The following PABPC4 variants were observed in gnomAD, a reference collection of about 807,000 sequenced individuals.
PABPC4 encodes poly(A) binding protein cytoplasmic 4.
Under a neutral mutation model 74.5 loss-of-function variants are expected in PABPC4, and 15 were observed. The ratio of observed to expected loss-of-function variants is 0.20; its 90% CI spans 0.13 to 0.31. The LOEUF is 0.31. Ranked by LOEUF, PABPC4 falls within the 10% of genes least tolerant of loss-of-function variation. The pLI is 1.00. For synonymous variants in PABPC4, 345 were observed against 303.0 expected (o/e 1.14, Z -1.44); for missense variants, 610 against 853.5 (o/e 0.71, Z 3.55).
chr1:39,565,265 T>TGG lies in PABPC4; in HGVS notation c.1084_1085dup (p.Leu363HisfsTer17). On this transcript the variant is annotated frameshift_variant, in exon 8 of 16. Coordinates refer to ENST00000372858, the MANE Select transcript of PABPC4 (RefSeq NM_001135653.2). LOFTEE classifies it high-confidence loss of function. ...TCCTCTGGGCCAGGGCAACATATAG[T>TGG]GGCTTGGAGCCCACAATGCGTCCAT... is the stretch of plus-strand genomic sequence containing the variant. 6.2e-7 allele frequency: 1 copy of TGG among 1,614,214 alleles called. No homozygotes were observed. Among genetic ancestry groups the TGG allele is most frequent in the Non-Finnish European group, 8.5e-7 (1 of 1,180,036 alleles).
chr1:39,566,823 A>AG (rs200226963), intron 7 of PABPC4, among the ~76,000 whole-genome samples: 66 of 151,708 alleles, frequency 4.4e-4, no homozygotes, highest in South Asian at 8.4e-4. Flanking sequence ...GGGCCAGTCA[A>AG]GGGGGGGGTC....
At chr1:39,563,508 C>G in intron 12 of PABPC4, 106 bp downstream of exon 12, 4 of 1,356,432 alleles carry the variant, frequency 2.9e-6, no homozygotes, top group Non-Finnish European at 4.0e-6. Context: ...CGTCATAACA[C>G]AGAGCAGGCA....
At chr1:39,575,476 G>A (rs1207022660) in intron 1 of PABPC4, among the ~76,000 whole-genome samples, 1 of 152,184 alleles carries the variant, frequency 6.6e-6, no homozygotes, top group Non-Finnish European at 1.5e-5. Context: ...GAATGCCAGT[G>A]GCTTCACTCT....
chr1:39,561,171 G>A (rs1359675412), intron 15 of PABPC4, 49 bp from the exon 16 acceptor site: 1 of 468,924 alleles, frequency 2.1e-6, no homozygotes, highest in Non-Finnish European at 4.4e-6. Flanking sequence ...AAATAATTTA[G>A]ATTCATTAAC....
Position 39,575,787 on chromosome 1 carries a change from G to A in PABPC4, c.165C>T (p.Ala55=), listed in dbSNP as rs1646016733. 1.9e-6 allele frequency: 3 copies of A among 1,606,082 alleles called. No individual in the cohort carries two copies. The highest frequency in any genetic ancestry group is 2.6e-6 in the Non-Finnish European group (3 of 1,176,046). ...DMITRRSLGY[A]YVNFQQPADA... ...CGGCCGGCTGCTGGAAGTTGACGTA[G>A]GCATAGCCCAGGGAGCGGCGGGTGA... Residue 55 remains alanine, a synonymous_variant, in exon 1 of 16, where the codon GCC becomes GCT. Coordinates refer to ENST00000372858, the MANE Select transcript of PABPC4 (RefSeq NM_001135653.2).
At chr1:39,563,788 G>C in intron 11 of PABPC4, 47 bp from the exon 12 acceptor site, 1 of 1,613,896 alleles carries the variant, frequency 6.2e-7, no homozygotes, top group Non-Finnish European at 8.5e-7. Context: ...TCTGGGCAAA[G>C]ACCCGTCAAA....
In PABPC4 at chr1:39,565,313, T is replaced by A. The variant is rs369493413; in HGVS notation, c.1038A>T (p.Ala346=). 2.5e-6 allele frequency: 4 copies of A among 1,614,146 alleles called. No homozygotes were observed. In the African/African-American group the frequency reaches 5.3e-5, roughly 22 times the overall value. The change falls in exon 8 of 16, where the codon GCA becomes GCT. Residue 346 remains alanine (A), a synonymous_variant. Transcript: ENST00000372858. ...CATTCATCTCAGTGACTGCTTTGGTTGCTTCTTCAGGAGATGAGAAGCAGA... is the reference window on the plus strand; with the variant it reads ...CATTCATCTCAGTGACTGCTTTGGTAGCTTCTTCAGGAGATGAGAAGCAGA... ...GFVCFSSPEE[A]TKAVTEMNGR... is the part of the protein sequence containing the mutation.
chr1:39,564,303 A>G (rs1645803342), intron 10 of PABPC4, 120 bp downstream of exon 10: 1 of 1,205,724 alleles, frequency 8.3e-7, no homozygotes, highest in Admixed American at 2.5e-5. Context: ...GCACACAGCT[A>G]AGATTACAGA....
intron 7 of PABPC4, 104 bp from the exon 8 acceptor site, chr1:39,565,482 G>A: frequency 8.3e-7 from 1 of 1,210,662 alleles, no homozygotes; most frequent in Non-Finnish European, 1.2e-6. Flanking sequence ...TGGGAGGGCT[G>A]CTTGAGCTCA....
At chr1:39,574,191 G>A (rs138408133) in intron 1 of PABPC4, among the ~76,000 whole-genome samples, 4 of 152,358 alleles carry the variant, frequency 2.6e-5, no homozygotes, top group South Asian at 2.1e-4. Context: ...GTGGGGGGTA[G>A]TTGGGAAAAG....
At chr1:39,563,494 A>T in intron 12 of PABPC4, 120 bp downstream of exon 12, 1 of 1,277,132 alleles carries the variant, frequency 7.8e-7, no homozygotes, top group Non-Finnish European at 1.1e-6. Flanking sequence ...GAATCAGAAC[A>T]TAGCGTCATA....
Position 39,563,891 on chromosome 1 carries a change from G to C in PABPC4, c.1485C>G (p.Asp495Glu), listed in dbSNP as rs1231971568. 2 of 1,614,102 alleles carry C rather than the reference G, an allele frequency of 1.2e-6. No individual in the cohort carries two copies. Among genetic ancestry groups the C allele is most frequent in the Non-Finnish European group, 1.7e-6 (2 of 1,180,054 alleles). ...GCTGGGCGGCACCAGCCCCACCAAA[G>C]TCCATAGCCAAGCGGTCCGGGCACT... is the stretch of plus-strand genomic sequence containing the variant. ...GSECPDRLAM[D>E]FGGAGAAQQG... is the part of the protein sequence containing the mutation. The change falls in exon 11 of 16, where the codon GAC (aspartate) becomes GAG (glutamate). Residue 495 changes from aspartate to glutamate, a missense_variant. By Grantham distance (45) the Asp-to-Glu change is conservative. This residue lies in a region of PABPC4 where 277 missense variants were observed against 301.8 expected (regional missense o/e 0.92). Transcript: ENST00000372858.
chr1:39,569,590 C>G lies in PABPC4; in HGVS notation c.738+5G>C, dbSNP rs1645907421. On this transcript the variant is annotated splice_donor_5th_base_variant and intron_variant, in intron 5 of 15. Coordinates refer to ENST00000372858, the MANE Select transcript of PABPC4 (RefSeq NM_001135653.2). ...AGCTTTTCCCAATCTTTGTGGTATA[C>G]TCACCTTATTGGCATCCTCGTGTTT... 1 of 1,611,010 alleles carries G rather than the reference C, an allele frequency of 6.2e-7. No homozygotes were observed. The highest frequency in any genetic ancestry group is 1.1e-5 in the South Asian group (1 of 91,010).
rs897074403 is a variant in PABPC4, at chr1:39,564,780, G to C, written c.1246-7C>G. 3 of 1,609,164 alleles carry C rather than the reference G, an allele frequency of 1.9e-6. No homozygotes were observed. Among genetic ancestry groups the C allele is most frequent in the Non-Finnish European group, 2.6e-6 (3 of 1,175,612 alleles). On this transcript the variant is annotated splice_region_variant and splice_polypyrimidine_tract_variant and intron_variant, in intron 8 of 15. Coordinates refer to ENST00000372858, the MANE Select transcript of PABPC4 (RefSeq NM_001135653.2). Reference sequence around the variant, plus strand: ...ATGGAGGCCTTCCCTGAGCCTGTAAGACAGAAGAATACCCAAACACCCCCT... The same window carrying C: ...ATGGAGGCCTTCCCTGAGCCTGTAACACAGAAGAATACCCAAACACCCCCT...
At chr1:39,564,631 G>C in intron 9 of PABPC4, 55 bp downstream of exon 9, 2 of 1,609,400 alleles carry the variant, frequency 1.2e-6, no homozygotes, top group East Asian at 4.5e-5. Flanking sequence ...GGAAAGGCAG[G>C]GGAGACCAGG....
intron 1 of PABPC4, among the ~76,000 whole-genome samples, chr1:39,574,202 G>T (rs988229877): frequency 3.3e-5 from 5 of 152,228 alleles, no homozygotes; most frequent in African/African-American, 1.2e-4. Flanking sequence ...TTGGGAAAAG[G>T]GGAGATGACA....
Position 39,576,529 on chromosome 1 carries a change from G to T in PABPC4, c.-578C>A. On this transcript the variant is annotated 5_prime_UTR_variant, in exon 1 of 16. Coordinates refer to ENST00000372858, the MANE Select transcript of PABPC4 (RefSeq NM_001135653.2). Reference sequence around the variant, plus strand: ...CGGGGCCCGAGCGGGGGGAGGGCACGGCGGGCCGGGCGGGCGGCTCACCCC... The same window carrying T: ...CGGGGCCCGAGCGGGGGGAGGGCACTGCGGGCCGGGCGGGCGGCTCACCCC... 6.7e-6 allele frequency: 1 copy of T among 149,720 alleles called. No homozygotes were observed. The highest frequency in any genetic ancestry group is 1.8e-4 in the South Asian group (1 of 5,492). 9.3% of individuals were successfully genotyped at this position (149,720 alleles called of 1,614,324 possible). A position where few individuals can be genotyped will look rare whatever the true frequency, so the allele number is the denominator to read the frequency against.
chr1:39,569,370 T>G, intron 5 of PABPC4: 1 of 574,994 alleles, frequency 1.7e-6, no homozygotes, highest in Non-Finnish European at 3.1e-6. Context: ...TGTCCTATTC[T>G]TTCAACAACT....
chr1:39,572,321 C>G, intron 2 of PABPC4, 72 bp downstream of exon 2: 1 of 1,150,416 alleles, frequency 8.7e-7, no homozygotes, highest in Non-Finnish European at 1.3e-6. Flanking sequence ...CAAGATAGTT[C>G]TCTGTTTGGT....
Sources: gnomAD v4.1 joint callset for allele counts (sites outside exome capture counted in the v4.1 genomes callset) on GRCh38, gnomAD v4.1.1 for gene constraint, gnomAD v4.1.1 regional missense constraint, MANE v1.5 for transcripts, NCBI Gene and HGNC (gene_info 2026-07-23, HGNC 2026-07-21) for gene names.